ERI1: variants seen among roughly 807,000 people sequenced by gnomAD.
ERI1 encodes the protein exoribonuclease 1, also known as 3'-5' exoribonuclease 1.
ERI1 carries 39 observed loss-of-function variants against 39.7 expected under a neutral mutation model. That is an observed-to-expected ratio of 0.98 (90% CI 0.76 to 1.28). The LOEUF (loss-of-function observed/expected upper bound fraction) is 1.28, where lower values mean the gene tolerates loss of function less well. Ranked by LOEUF, ERI1 falls within the 50% of genes most tolerant of loss-of-function variation. The pLI is 0.00. For missense variants in ERI1, 581 were observed against 416.9 expected, an observed-to-expected ratio of 1.39 and a Z score of -3.43; for synonymous variants, 204 against 149.6, an observed-to-expected ratio of 1.36 and a Z score of -2.65.
intron 3 of ERI1, among the ~76,000 whole-genome samples, chr8:9,015,184 A>G (rs1051027205): frequency 2.0e-5 from 3 of 152,190 alleles, no homozygotes; most frequent in African/African-American, 7.2e-5. Context: ...ACAATTCTTT[A>G]CAACCATTTA....
intron 3 of ERI1, among the ~76,000 whole-genome samples, chr8:9,070,872 A>T (rs528334924): frequency 6.6e-6 from 1 of 152,286 alleles, no homozygotes; most frequent in East Asian, 1.9e-4. Flanking sequence ...TTTGCAGCCC[A>T]TGTGTGCAGG....
chr8:9,042,533 C>T (rs189177306), intron 3 of ERI1, among the ~76,000 whole-genome samples: 1 of 152,200 alleles, frequency 6.6e-6, no homozygotes, highest in Non-Finnish European at 1.5e-5. Flanking sequence ...CTCAAATCTG[C>T]CAGTTCCCTG....
At position 9,029,869 on chromosome 8, in the gene ERI1, T is replaced by C; in HGVS notation, c.885T>C (p.Gly295=). Residue 295 remains glycine, a synonymous_variant, in exon 7 of 7, where the codon GGT becomes GGC. Coordinates refer to ENST00000250263, the MANE Select transcript of ERI1 (RefSeq NM_153332.4). ...ATTATGATGGGCGGCCTCACTGTGGTCTTGATGACTCTAAGAATATCGCCC... is the reference window on the plus strand; with the variant it reads ...ATTATGATGGGCGGCCTCACTGTGGCCTTGATGACTCTAAGAATATCGCCC... ...GMDYDGRPHC[G]LDDSKNIARI... The C allele has an allele frequency of 6.2e-7, 1 of 1,614,178 alleles. No homozygotes were observed. The highest frequency in any genetic ancestry group is 8.5e-7 in the Non-Finnish European group (1 of 1,180,016).
intron 2 of ERI1, among the ~76,000 whole-genome samples, chr8:9,008,664 CTGTA>C (rs1816311879): frequency 6.6e-6 from 1 of 152,166 alleles, no homozygotes; most frequent in Non-Finnish European, 1.5e-5. Context: ...ACTTAGTCAA[CTGTA>C]TGTGTATTTT....
Position 9,030,267 on chromosome 8 carries a change from C to G in ERI1, c.*233C>G, listed in dbSNP as rs1418572216. 2 of 521,284 alleles carry G rather than the reference C, an allele frequency of 3.8e-6. No homozygotes were observed. Among genetic ancestry groups the G allele is most frequent in the Non-Finnish European group, 6.7e-6 (2 of 296,978 alleles). The allele number at this position is 521,284 out of a possible 1,614,324, so 32.3% of individuals were successfully genotyped here. A position where few individuals can be genotyped will look rare whatever the true frequency, so the allele number is the denominator to read the frequency against. ...CAGTATTCGTTACATAGTAACAGTT[C>G]CTGCTTACAACTGAATTTTATAATT... On this transcript the variant is annotated 3_prime_UTR_variant, in exon 7 of 7. Coordinates refer to ENST00000250263, the MANE Select transcript of ERI1 (RefSeq NM_153332.4).
chr8:9,059,055 G>T (rs1348113835), intron 3 of ERI1, among the ~76,000 whole-genome samples: 1 of 152,016 alleles, frequency 6.6e-6, no homozygotes, highest in Non-Finnish European at 1.5e-5. Flanking sequence ...TAGGATTTGG[G>T]TAGGTAAAGG....
chr8:9,042,540 C>G (rs560702638), intron 3 of ERI1, among the ~76,000 whole-genome samples: 10 of 152,182 alleles, frequency 6.6e-5, no homozygotes, highest in African/African-American at 2.2e-4. Flanking sequence ...CTGCCAGTTC[C>G]CTGTTCTTTG....
chr8:9,020,163 CTTTG>C (rs1563324629), intron 5 of ERI1, among the ~76,000 whole-genome samples, 183 bp from the exon 6 acceptor site: 1 of 152,020 alleles, frequency 6.6e-6, no homozygotes, highest in Admixed American at 6.6e-5. Context: ...TATCCGACTT[CTTTG>C]TTTGGTTTTT....
At chr8:9,045,607 G>A (rs1354403337) in intron 3 of ERI1, among the ~76,000 whole-genome samples, 2 of 151,752 alleles carry the variant, frequency 1.3e-5, no homozygotes, top group African/African-American at 2.4e-5. Context: ...GATCAGCCTG[G>A]GTAACATAGC....
intron 3 of ERI1, among the ~76,000 whole-genome samples, chr8:9,098,265 A>C (rs1447831880): frequency 6.6e-6 from 1 of 152,188 alleles, no homozygotes; most frequent in African/African-American, 2.4e-5. Flanking sequence ...CACGCCTGTA[A>C]TCCCAGCACT....
chr8:9,007,356 G>A (rs544477389), intron 1 of ERI1, among the ~76,000 whole-genome samples: 167 of 152,250 alleles, frequency 1.1e-3, no homozygotes, highest in African/African-American at 3.9e-3. Context: ...TTTGTGAAAT[G>A]AAGTCAGGTT....
In ERI1 at chr8:9,003,106, G is replaced by A. The variant is rs1448795602; in HGVS notation, c.43G>A (p.Ala15Thr). The change falls in exon 1 of 7, where the codon GCT becomes ACT. Residue 15 changes from alanine to threonine, a missense_variant. Physicochemically the swap from Ala to Thr is moderately conservative, Grantham distance 58. Transcript: ENST00000250263. ...QSKEPAGEAV[A>T]LALLESPRPE... is the part of the protein sequence containing the mutation. ...TAAAGAGCCTGCCGGCGAGGCCGTG[G>A]CTCTCGCGCTGCTGGAGTCGCCGCG... The A allele has an allele frequency of 8.0e-7, 1 of 1,247,286 alleles. No individual in the cohort carries two copies. Among genetic ancestry groups the A allele is most frequent in the Non-Finnish European group, 1.0e-6 (1 of 989,632 alleles). 77.3% of individuals were successfully genotyped at this position (1,247,286 alleles called of 1,614,324 possible).
chr8:9,050,754 G>T (rs1250258450), intron 3 of ERI1, among the ~76,000 whole-genome samples: 1 of 152,176 alleles, frequency 6.6e-6, no homozygotes, highest in Non-Finnish European at 1.5e-5. Flanking sequence ...TTCAGGACTT[G>T]TTAGCTGTGG....
intron 6 of ERI1, among the ~76,000 whole-genome samples, chr8:9,026,674 T>C (rs1195279199): frequency 1.3e-5 from 2 of 152,202 alleles, no homozygotes; most frequent in Admixed American, 1.3e-4. Context: ...TTCTGGGCAC[T>C]GACATTGTAC....
chr8:9,090,002 C>T (rs937516869), intron 3 of ERI1, among the ~76,000 whole-genome samples: 5 of 152,190 alleles, frequency 3.3e-5, no homozygotes, highest in Non-Finnish European at 7.3e-5. Flanking sequence ...AGGATGACGG[C>T]TGAGATGATA....
At chr8:9,088,619 A>C (rs762342284) in intron 3 of ERI1, 1 of 152,170 alleles carries the variant, frequency 6.6e-6, no homozygotes, top group Admixed American at 6.5e-5. Flanking sequence ...AAGTGGTGGG[A>C]GAGATGGCGC....
chr8:9,043,969 T>C (rs1798101381), intron 3 of ERI1, among the ~76,000 whole-genome samples: 1 of 152,192 alleles, frequency 6.6e-6, no homozygotes, highest in Non-Finnish European at 1.5e-5. Flanking sequence ...TGTAGCATGG[T>C]GTTTAAGGCT....
intron 3 of ERI1, among the ~76,000 whole-genome samples, chr8:9,063,693 C>T (rs997583701): frequency 3.3e-5 from 5 of 152,070 alleles, no homozygotes; most frequent in Non-Finnish European, 5.9e-5. Context: ...GCCTGGACAT[C>T]GGGCATCTCA....
chr8:9,023,660 T>G (rs766079184), intron 6 of ERI1, among the ~76,000 whole-genome samples: 1 of 151,140 alleles, frequency 6.6e-6, no homozygotes. Flanking sequence ...AAGAAACTTA[T>G]GTTTTCCTTC....
Sources: allele counts gnomAD v4.1 joint callset (sites outside exome capture counted in the v4.1 genomes callset), GRCh38; gene constraint gnomAD v4.1.1; transcripts MANE v1.5; gene names NCBI Gene and HGNC (gene_info 2026-07-23, HGNC 2026-07-21).